Variants in OSBP observed in about 807,000 individuals in gnomAD.
OSBP encodes the protein oxysterol-binding protein 1.
OSBP carries 32 observed loss-of-function variants against 96.6 expected under a neutral mutation model. The ratio of observed to expected loss-of-function variants is 0.33; its 90% CI spans 0.25 to 0.45. The LOEUF is 0.45. Ranked by LOEUF, OSBP falls within the 20% of genes least tolerant of loss-of-function variation. The pLI is 1.00. For missense variants in OSBP, 653 were observed against 1,029.7 expected (o/e 0.63, Z 5.01); for synonymous variants, 369 against 389.6 (o/e 0.95, Z 0.62).
chr11:59,577,809 T>C (rs953155465), intron 12 of OSBP, among the ~76,000 whole-genome samples: 6 of 152,226 alleles, frequency 3.9e-5, no homozygotes, highest in Non-Finnish European at 7.3e-5. Flanking sequence ...GCCTTTAGGC[T>C]AAATTGTTAA....
rs758027822 is a variant in OSBP, at chr11:59,610,471, G to C, written c.481C>G (p.Leu161Val). 12 of 1,614,228 alleles carry C rather than the reference G, an allele frequency of 7.4e-6. No individual in the cohort carries two copies. Among genetic ancestry groups the C allele is most frequent in the Non-Finnish European group, 1.0e-5 (12 of 1,180,038 alleles). The change falls in exon 2 of 14, where the codon CTG becomes GTG. Residue 161 changes from leucine to valine, a missense_variant. Around this residue, in one of 6 missense-constraint regions of OSBP, gnomAD observed 308 missense variants for 573.1 expected, o/e 0.54. Transcript: ENST00000263847. ...ISNGGAQTYH[L>V]KASSEVERQR... ...CGCTCAACTTCTGAACTAGCTTTCAGATGGTAGGTCTGAGCACCCCCATTG... is the reference window on the plus strand; with the variant it reads ...CGCTCAACTTCTGAACTAGCTTTCACATGGTAGGTCTGAGCACCCCCATTG...
intron 12 of OSBP, 98 bp from the exon 13 acceptor site, chr11:59,577,123 G>T: frequency 1.1e-6 from 1 of 928,838 alleles, no homozygotes; most frequent in Non-Finnish European, 1.6e-6. Context: ...ACATCACCAA[G>T]GCTGTTCTAC....
intron 3 of OSBP, among the ~76,000 whole-genome samples, chr11:59,605,584 C>A (rs894860742): frequency 6.6e-6 from 1 of 152,028 alleles, no homozygotes; most frequent in African/African-American, 2.4e-5. Context: ...GGGGGTTTCA[C>A]CATGTTGGCC....
intron 9 of OSBP, 83 bp downstream of exon 9, chr11:59,593,521 C>T: frequency 6.7e-7 from 1 of 1,499,092 alleles, no homozygotes; most frequent in Non-Finnish European, 9.3e-7. Context: ...TGTCTCCTGA[C>T]TCTTTAGCCA....
chr11:59,584,837 G>T (rs532998007), intron 9 of OSBP, among the ~76,000 whole-genome samples: 1 of 152,004 alleles, frequency 6.6e-6, no homozygotes, highest in Non-Finnish European at 1.5e-5. Flanking sequence ...AAGATGGAAA[G>T]AAAGAGATAA....
At chr11:59,602,829 A>G (rs1296834179) in intron 3 of OSBP, among the ~76,000 whole-genome samples, 1 of 152,192 alleles carries the variant, frequency 6.6e-6, no homozygotes, top group East Asian at 1.9e-4. Flanking sequence ...CTTGTTACCC[A>G]GACTAGTATC....
chr11:59,576,884 C>T lies in OSBP; in HGVS notation c.2202G>A (p.Ala734=), dbSNP rs146855644. The T allele has an allele frequency of 1.1e-4, 174 of 1,614,054 alleles. No individual in the cohort carries two copies. The African/African-American group carries it at 1.9e-3, about 18-fold the overall frequency. ...GTTTTTCCTCCAGGCGCTGCTTCTC[C>T]GCATTTGCTTCATCCCAGCGTCCAT... ...MENGRWDEAN[A]EKQRLEEKQR... is the part of the protein sequence containing the mutation. The change falls in exon 13 of 14, where the codon GCG becomes GCA. Residue 734 remains alanine (A), a synonymous_variant. Coordinates refer to ENST00000263847, the MANE Select transcript of OSBP (RefSeq NM_002556.3).
At chr11:59,578,053 A>G in intron 12 of OSBP, 96 bp downstream of exon 12, 1 of 1,133,530 alleles carries the variant, frequency 8.8e-7, no homozygotes, top group Non-Finnish European at 1.3e-6. Context: ...TCAATTCCCC[A>G]CATAATTAAG....
chr11:59,610,183 C>T (rs1330248086), intron 2 of OSBP, among the ~76,000 whole-genome samples, 198 bp downstream of exon 2: 1 of 152,150 alleles, frequency 6.6e-6, no homozygotes, highest in African/African-American at 2.4e-5. Context: ...CCAGACATTG[C>T]CAAATGTCCC....
chr11:59,609,818 A>G (rs1328312192), intron 2 of OSBP, among the ~76,000 whole-genome samples: 2 of 152,214 alleles, frequency 1.3e-5, no homozygotes, highest in African/African-American at 2.4e-5. Flanking sequence ...TTCATAGAAA[A>G]TATCACATAT....
At chr11:59,610,745 A>C (rs887019020) in intron 1 of OSBP, among the ~76,000 whole-genome samples, 156 bp from the exon 2 acceptor site, 3 of 152,088 alleles carry the variant, frequency 2.0e-5, no homozygotes, top group African/African-American at 7.2e-5. Context: ...AAATTCACGA[A>C]ACAATTAGTG....
intron 3 of OSBP, among the ~76,000 whole-genome samples, chr11:59,605,473 T>C (rs1392423731): frequency 1.3e-5 from 2 of 152,074 alleles, no homozygotes; most frequent in African/African-American, 4.8e-5. Context: ...AGTGCAGTGC[T>C]ACGATCTCAG....
chr11:59,585,281 C>A (rs1239275468), intron 9 of OSBP, among the ~76,000 whole-genome samples: 3 of 149,894 alleles, frequency 2.0e-5, no homozygotes, highest in Admixed American at 6.7e-5. Context: ...ACCGCCTCTG[C>A]CCTGCCGCCC....
At chr11:59,595,964 T>G (rs912227387) in intron 7 of OSBP, among the ~76,000 whole-genome samples, 1 of 147,868 alleles carries the variant, frequency 6.8e-6, no homozygotes, top group Non-Finnish European at 1.5e-5. Flanking sequence ...AATAAATAAA[T>G]AAATAAATAA....
chr11:59,615,707 A>G lies in OSBP; in HGVS notation c.-43T>C, dbSNP rs1347559761. 2 of 1,265,242 alleles carry G rather than the reference A, an allele frequency of 1.6e-6. No individual in the cohort carries two copies. Among genetic ancestry groups the G allele is most frequent in the East Asian group, 6.4e-5 (2 of 31,064 alleles). The allele number at this position is 1,265,242 out of a possible 1,614,324, so 78.4% of individuals were successfully genotyped here. A position where few individuals can be genotyped will look rare whatever the true frequency, so the allele number is the denominator to read the frequency against. ...AGATACAAGACCGGAACCGCCTACG[A>G]GAGCCGCCGTCGCCGCCCGGAGCGC... is the stretch of plus-strand genomic sequence containing the variant. On this transcript the variant is annotated 5_prime_UTR_variant, in exon 1 of 14. Coordinates refer to ENST00000263847, the MANE Select transcript of OSBP (RefSeq NM_002556.3).
At position 59,615,725 on chromosome 11, in the gene OSBP, C is replaced by T; in HGVS notation, c.-61G>A. ...GCCTACGAGAGCCGCCGTCGCCGCC[C>T]GGAGCGCCCCACACGGCTACCGCAT... is the stretch of plus-strand genomic sequence containing the variant. On this transcript the variant is annotated 5_prime_UTR_variant, in exon 1 of 14. Coordinates refer to ENST00000263847, the MANE Select transcript of OSBP (RefSeq NM_002556.3). The T allele has an allele frequency of 1.6e-6, 2 of 1,248,686 alleles. No homozygotes were observed. Among genetic ancestry groups the T allele is most frequent in the South Asian group, 2.9e-5 (1 of 35,052 alleles). The allele number at this position is 1,248,686 out of a possible 1,614,324, so 77.4% of individuals were successfully genotyped here.
chr11:59,602,304 A>T (rs992874552), intron 3 of OSBP, among the ~76,000 whole-genome samples: 1 of 152,214 alleles, frequency 6.6e-6, no homozygotes, highest in East Asian at 1.9e-4. Flanking sequence ...TAGACCAAGT[A>T]TGGGGAAACT....
At chr11:59,589,151 CTTTTTT>C (rs11335531) in intron 9 of OSBP, among the ~76,000 whole-genome samples, 1 of 124,002 alleles carries the variant, frequency 8.1e-6, no homozygotes, top group Non-Finnish European at 1.7e-5. Flanking sequence ...AGCAATCATT[CTTTTTT>C]TTTTTTTTTT....
intron 7 of OSBP, among the ~76,000 whole-genome samples, chr11:59,599,405 T>C (rs1388338739): frequency 6.6e-6 from 1 of 152,088 alleles, no homozygotes; most frequent in Non-Finnish European, 1.5e-5. Flanking sequence ...TAAACTGATA[T>C]ATTTTGAATT....
Sources: allele counts gnomAD v4.1 joint callset (sites outside exome capture counted in the v4.1 genomes callset), GRCh38; gene constraint gnomAD v4.1.1; regional missense constraint gnomAD v4.1.1; transcripts MANE v1.5; gene names NCBI Gene and HGNC (gene_info 2026-07-23, HGNC 2026-07-21).